Variants in SLC1A3 observed in about 807,000 individuals in gnomAD.
SLC1A3 encodes excitatory amino acid transporter 1.
Under a neutral mutation model 48.1 loss-of-function variants are expected in SLC1A3, and 21 were observed. That is an observed-to-expected ratio of 0.44 (90% CI 0.31 to 0.63). The LOEUF (loss-of-function observed/expected upper bound fraction) is 0.63. Among genes scored for constraint, SLC1A3 ranks in the 20% least tolerant of loss-of-function variants. The probability of loss-of-function intolerance (pLI) is 0.08; values close to 1 mark genes in which losing one functional copy is unlikely to be tolerated. For missense variants in SLC1A3, 546 were observed against 689.0 expected (o/e 0.79, Z 2.32); for synonymous variants, 239 against 251.4 (o/e 0.95, Z 0.47).
rs148795474 is a variant in SLC1A3 at position 36,625,899 on chromosome 5, C to G, written c.182-3551C>G. On this transcript the variant is annotated intron_variant, in intron 2 of 9. Coordinates refer to ENST00000265113, the MANE Select transcript of SLC1A3 (RefSeq NM_004172.5). ...CCTAGAGTAGGACTGCACTTCCCAGCAAGACCAGCTTGCTGACTATAAGGA... is the reference window on the plus strand; with the variant it reads ...CCTAGAGTAGGACTGCACTTCCCAGGAAGACCAGCTTGCTGACTATAAGGA... 2.2e-3 allele frequency among the ~76,000 whole-genome samples: 331 copies of G among 152,322 alleles called. 2 individuals are homozygous for G. Among genetic ancestry groups the G allele is most frequent in the African/African-American group, 7.7e-3 (322 of 41,572 alleles).
chr5:36,623,648 G>T (rs2111730187), intron 2 of SLC1A3, among the ~76,000 whole-genome samples: 1 of 149,540 alleles, frequency 6.7e-6, no homozygotes, highest in East Asian at 2.0e-4. Flanking sequence ...AAGGTCAGAA[G>T]ATTGAGACTA....
rs551696423 is a variant in SLC1A3, at chr5:36,640,480, T to C, written c.319+10893T>C. Reference sequence around the variant, plus strand: ...GGATATAGGCTTGCCATCTTTGTGTTTATTTTTTAAAACAATTGTTTGAGT... The same window carrying C: ...GGATATAGGCTTGCCATCTTTGTGTCTATTTTTTAAAACAATTGTTTGAGT... On this transcript the variant is annotated intron_variant, in intron 3 of 9. Transcript: ENST00000265113. 4.6e-5 allele frequency among the ~76,000 whole-genome samples: 7 copies of C among 152,352 alleles called. No individual in the cohort carries two copies. In the South Asian group the frequency reaches 1.4e-3, roughly 32 times the overall value.
intron 8 of SLC1A3, among the ~76,000 whole-genome samples, 167 bp from the exon 9 acceptor site, chr5:36,683,697 G>A (rs1580050382): frequency 2.1e-5 from 2 of 93,874 alleles, no homozygotes; most frequent in South Asian, 7.9e-4. Flanking sequence ...AACAGAGTGA[G>A]ATACTGTTTC....
rs371245560 is a variant in SLC1A3, at chr5:36,667,008, G to T, written c.320-4021G>T. On this transcript the variant is annotated intron_variant, in intron 3 of 9. Transcript: ENST00000265113. ...CAAAGTTTTAATCTTTTACTTTCTA[G>T]AAAGCATCTTATTCAGTCTCCTTCT... Among the ~76,000 whole-genome samples the T allele has an allele frequency of 2.0e-5, 3 of 152,256 alleles. No individual in the cohort carries two copies. The East Asian group carries it at 5.8e-4, about 29-fold the overall frequency.
At chr5:36,653,335 T>A (rs766228197) in intron 3 of SLC1A3, among the ~76,000 whole-genome samples, 8 of 152,208 alleles carry the variant, frequency 5.3e-5, no homozygotes, top group Admixed American at 2.0e-4. Flanking sequence ...AATTACAATT[T>A]CAACAGCTTT....
intron 8 of SLC1A3, 116 bp from the exon 9 acceptor site, chr5:36,683,748 G>C (rs1338344039): frequency 2.7e-6 from 3 of 1,105,580 alleles, no homozygotes; most frequent in South Asian, 1.3e-5. Flanking sequence ...TCTGAAGCGC[G>C]TCCTCTTGTG....
intron 3 of SLC1A3, chr5:36,649,479 C>T (rs1245642147): frequency 3.3e-5 from 5 of 152,100 alleles, no homozygotes; most frequent in African/African-American, 1.2e-4. Flanking sequence ...GTTCTGTTGG[C>T]TGACAAGACT....
In SLC1A3 at chr5:36,674,068, C is replaced by A. The variant is rs779052167; in HGVS notation, c.544C>A (p.Leu182Met). The change falls in exon 5 of 10, where the codon CTG (leucine) becomes ATG (methionine). Residue 182 changes from leucine to methionine, a missense_variant. Coordinates refer to ENST00000265113, the MANE Select transcript of SLC1A3 (RefSeq NM_004172.5). ...TTGCAGGAACATGTTCCCTCCAAATCTGGTAGAAGCCTGCTTTAAACAGGT... is the reference window on the plus strand; with the variant it reads ...TTGCAGGAACATGTTCCCTCCAAATATGGTAGAAGCCTGCTTTAAACAGGT... ...DLIRNMFPPN[L>M]VEACFKQFKT... is the part of the protein sequence containing the mutation. 6.2e-7 allele frequency: 1 copy of A among 1,613,404 alleles called. No homozygotes were observed. The highest frequency in any genetic ancestry group is 8.5e-7 in the Non-Finnish European group (1 of 1,179,424).
At chr5:36,648,234 T>C (rs1740913252) in intron 3 of SLC1A3, among the ~76,000 whole-genome samples, 1 of 152,168 alleles carries the variant, frequency 6.6e-6, no homozygotes. Context: ...GCATTTCAAT[T>C]TTTTTACCTA....
chr5:36,655,588 T>C (rs1005278437), intron 3 of SLC1A3, among the ~76,000 whole-genome samples: 3 of 152,338 alleles, frequency 2.0e-5, no homozygotes, highest in East Asian at 1.9e-4. Context: ...CTTGTAAAGA[T>C]TGGGAAAACT....
intron 3 of SLC1A3, among the ~76,000 whole-genome samples, chr5:36,661,560 A>T (rs1245621126): frequency 6.6e-6 from 1 of 152,240 alleles, no homozygotes; most frequent in East Asian, 1.9e-4. Context: ...CTAACGTTGG[A>T]ATCTGGTTCC....
chr5:36,608,085 C>A, intron 1 of SLC1A3: 1 of 252,370 alleles, frequency 4.0e-6, no homozygotes, highest in Non-Finnish European at 7.8e-6. Context: ...CTTTTATAGC[C>A]TCATTGGAAG....
intron 2 of SLC1A3, among the ~76,000 whole-genome samples, chr5:36,627,099 T>G (rs1170984670): frequency 6.6e-6 from 1 of 152,082 alleles, no homozygotes; most frequent in Admixed American, 6.6e-5. Flanking sequence ...AGCAAGTATT[T>G]TATACATAGG....
intron 1 of SLC1A3, among the ~76,000 whole-genome samples, chr5:36,600,301 C>A (rs1296367822): frequency 6.6e-6 from 1 of 152,026 alleles, no homozygotes; most frequent in Non-Finnish European, 1.5e-5. Context: ...TTGATTGGAA[C>A]AAAGGGTTAA....
intron 3 of SLC1A3, among the ~76,000 whole-genome samples, chr5:36,661,991 CAA>C (rs1427156071): frequency 1.3e-5 from 2 of 152,228 alleles, no homozygotes; most frequent in African/African-American, 2.4e-5. Flanking sequence ...ACAAGAAACA[CAA>C]TCCAAAGTAA....
At chr5:36,608,701 T>A in intron 2 of SLC1A3, 97 bp downstream of exon 2, 1 of 1,555,248 alleles carries the variant, frequency 6.4e-7, no homozygotes. Context: ...GTTGTAGGTA[T>A]CAAAATGGTA....
At chr5:36,628,509 A>T (rs557603663) in intron 2 of SLC1A3, among the ~76,000 whole-genome samples, 23 of 152,328 alleles carry the variant, frequency 1.5e-4, no homozygotes, top group African/African-American at 5.5e-4. Flanking sequence ...AAATGGAATC[A>T]CATGTTTCAG....
intron 3 of SLC1A3, among the ~76,000 whole-genome samples, chr5:36,651,145 A>T (rs1440478988): frequency 0.14 from 2,962 of 20,518 alleles, 37 homozygotes; most frequent in Non-Finnish European, 0.39. Context: ...TTTTTTTAAA[A>T]AAAAAAAAAA....
intron 3 of SLC1A3, among the ~76,000 whole-genome samples, chr5:36,663,492 C>T (rs894574833): frequency 2.7e-4 from 41 of 150,994 alleles, no homozygotes; most frequent in African/African-American, 1.0e-3. Flanking sequence ...CCACCTGCCT[C>T]AGCCTCCCAA....
Sources: allele counts gnomAD v4.1 joint callset (sites outside exome capture counted in the v4.1 genomes callset), GRCh38; gene constraint gnomAD v4.1.1; transcripts MANE v1.5; gene names NCBI Gene and HGNC (gene_info 2026-07-23, HGNC 2026-07-21).